Variants in ADD2 observed in about 807,000 individuals in gnomAD.
The protein encoded by ADD2 is beta-adducin.
A neutral mutation model predicts 83.0 loss-of-function variants in ADD2; 23 were observed. The observed-to-expected ratio is 0.28, with a 90% CI of 0.20 to 0.39. The LOEUF is 0.39. Among genes scored for constraint, ADD2 ranks in the 10% least tolerant of loss-of-function variants. ADD2 has a pLI of 1.00. For synonymous variants in ADD2, 375 were observed against 375.4 expected, an observed-to-expected ratio of 1.00 and a Z score of 0.01; for missense variants, 758 against 944.9, an observed-to-expected ratio of 0.80 and a Z score of 2.59.
At chr2:70,725,737 G>A (rs1418744532) in intron 1 of ADD2, among the ~76,000 whole-genome samples, 2 of 152,026 alleles carry the variant, frequency 1.3e-5, no homozygotes, top group African/African-American at 4.8e-5. Context: ...CCATGAGTTT[G>A]GACTTCTGGC....
chr2:70,704,301 G>C lies in ADD2; in HGVS notation c.322+20C>G, dbSNP rs1215938110. ...CTCCCCTCCACCTCTGCTCCTGGCA[G>C]CTCCCCAGACACCACATACTCATGG... On this transcript the variant is annotated intron_variant, in intron 4 of 15. Coordinates refer to ENST00000264436, the MANE Select transcript of ADD2 (RefSeq NM_001617.4). 1.3e-5 allele frequency: 16 copies of C among 1,264,514 alleles called. No homozygotes were observed. The highest frequency in any genetic ancestry group is 1.7e-5 in the Non-Finnish European group (16 of 949,974). 78.3% of individuals were successfully genotyped at this position (1,264,514 alleles called of 1,614,324 possible).
chr2:70,766,643 C>T (rs1488849141), intron 1 of ADD2, among the ~76,000 whole-genome samples: 1 of 152,220 alleles, frequency 6.6e-6, no homozygotes, highest in Non-Finnish European at 1.5e-5. Context: ...TCTCAGGAAT[C>T]CCAGCTAGAT....
chr2:70,745,102 T>C (rs1245375151), intron 1 of ADD2, among the ~76,000 whole-genome samples: 2 of 151,812 alleles, frequency 1.3e-5, no homozygotes, highest in Non-Finnish European at 1.5e-5. Context: ...CTGGCTAACA[T>C]GGTGAAACCC....
At chr2:70,680,254 T>A (rs907094807) in intron 10 of ADD2, among the ~76,000 whole-genome samples, 30 of 152,196 alleles carry the variant, frequency 2.0e-4, no homozygotes, top group African/African-American at 7.2e-4. Flanking sequence ...GCATCTGCCT[T>A]AGCTTTCCTT....
chr2:70,669,112 C>G (rs561432578), intron 15 of ADD2, among the ~76,000 whole-genome samples: 1 of 152,242 alleles, frequency 6.6e-6, no homozygotes, highest in African/African-American at 2.4e-5. Flanking sequence ...AGAAGGCCCA[C>G]GGGTGCTCAA....
At chr2:70,753,423 G>A (rs1419005291) in intron 1 of ADD2, among the ~76,000 whole-genome samples, 1 of 152,120 alleles carries the variant, frequency 6.6e-6, no homozygotes, top group Admixed American at 6.5e-5. Context: ...TGGGAGGAGG[G>A]GGGAAGGAAG....
rs574434504 is a variant in ADD2, at chr2:70,708,040, G to C, written c.-34-1598C>G. 5.6e-4 allele frequency among the ~76,000 whole-genome samples: 86 copies of C among 152,314 alleles called. No individual in the cohort carries two copies. In the South Asian group the frequency reaches 6.9e-3, roughly 12 times the overall value. On this transcript the variant is annotated intron_variant, in intron 2 of 15. Transcript: ENST00000264436. ...CTGATGTCCAGTAGAGCATATTCTT[G>C]TTGTCCCTGAGCTGCCTGTAACCTC...
At chr2:70,705,599 C>T (rs1433995133) in intron 3 of ADD2, among the ~76,000 whole-genome samples, 1 of 152,216 alleles carries the variant, frequency 6.6e-6, no homozygotes, top group African/African-American at 2.4e-5. Context: ...TCGGCCTTCT[C>T]AAGGCACTAC....
chr2:70,668,331 T>C (rs1669756504), intron 15 of ADD2, among the ~76,000 whole-genome samples: 1 of 152,092 alleles, frequency 6.6e-6, no homozygotes, highest in Non-Finnish European at 1.5e-5. Flanking sequence ...GCACAGCCCA[T>C]GCCACTCCTG....
intron 1 of ADD2, among the ~76,000 whole-genome samples, chr2:70,714,671 C>T (rs1553376048): frequency 6.6e-6 from 1 of 152,214 alleles, no homozygotes; most frequent in Non-Finnish European, 1.5e-5. Context: ...CTAGCCACCA[C>T]TTGATGCTGC....
chr2:70,665,810 G>GT (rs879978891), intron 15 of ADD2, among the ~76,000 whole-genome samples: 13,891 of 135,074 alleles, frequency 0.1, 674 homozygotes, highest in Admixed American at 0.13. Context: ...GATCACACTT[G>GT]TTTTTTTGTT....
chr2:70,745,683 C>G (rs1196166035), intron 1 of ADD2, among the ~76,000 whole-genome samples: 1 of 152,210 alleles, frequency 6.6e-6, no homozygotes, highest in African/African-American at 2.4e-5. Context: ...GCTTGCCCCT[C>G]TTTCCTGAGA....
chr2:70,767,628 A>G (rs1247918385), intron 1 of ADD2: 2 of 1,291,866 alleles, frequency 1.5e-6, no homozygotes, highest in African/African-American at 3.1e-5. Flanking sequence ...GCTCCGGGCG[A>G]GGGTCCCACC....
At chr2:70,711,761 C>T (rs370768706) in intron 2 of ADD2, among the ~76,000 whole-genome samples, 12 of 152,104 alleles carry the variant, frequency 7.9e-5, no homozygotes, top group African/African-American at 2.9e-4. Flanking sequence ...CAGAGTTGGA[C>T]CCTTTGAAAT....
intron 4 of ADD2, among the ~76,000 whole-genome samples, chr2:70,700,474 AG>A (rs200535668): frequency 0.024 from 3,651 of 152,256 alleles, 77 homozygotes; most frequent in Admixed American, 0.059. Flanking sequence ...AAAAATTTAT[AG>A]CCTTAAATGT....
chr2:70,664,015 G>A (rs1384297604), intron 15 of ADD2, among the ~76,000 whole-genome samples: 1 of 152,166 alleles, frequency 6.6e-6, no homozygotes, highest in African/African-American at 2.4e-5. Context: ...AGTGGCAGGA[G>A]GCCCGGCTGG....
intron 4 of ADD2, among the ~76,000 whole-genome samples, chr2:70,702,709 A>G (rs1671658168): frequency 6.6e-6 from 1 of 152,040 alleles, no homozygotes; most frequent in South Asian, 2.1e-4. Flanking sequence ...TGGAAAAAAA[A>G]AAAGCAATAT....
At chr2:70,683,008 T>C (rs1670535418) in intron 10 of ADD2, among the ~76,000 whole-genome samples, 1 of 150,210 alleles carries the variant, frequency 6.7e-6, no homozygotes, top group African/African-American at 2.5e-5. Context: ...TCCCAGTTTT[T>C]ACTGGAGTAT....
chr2:70,699,790 C>T (rs1462338471), intron 4 of ADD2, among the ~76,000 whole-genome samples: 1 of 151,234 alleles, frequency 6.6e-6, no homozygotes, highest in Non-Finnish European at 1.5e-5. Flanking sequence ...AAAAACAAAA[C>T]AAAAAAAACC....
Sources: gnomAD v4.1 joint callset for allele counts (sites outside exome capture counted in the v4.1 genomes callset) on GRCh38, gnomAD v4.1.1 for gene constraint, MANE v1.5 for transcripts, NCBI Gene and HGNC (gene_info 2026-07-23, HGNC 2026-07-21) for gene names.